Variants in TSC22D3 observed in about 807,000 individuals in gnomAD.
TSC22D3 encodes TSC22 domain family member 3.
TSC22D3 carries 4 observed loss-of-function variants against 11.1 expected under a neutral mutation model. The observed-to-expected ratio is 0.36, with a 90% CI of 0.18 to 0.83. The LOEUF (loss-of-function observed/expected upper bound fraction) is 0.83. TSC22D3 is among the 40% of genes least tolerant of loss of function. TSC22D3 has a pLI of 0.48. For missense variants in TSC22D3, 118 were observed against 159.4 expected, an observed-to-expected ratio of 0.74 and a Z score of 1.40; for synonymous variants, 77 against 70.3, an observed-to-expected ratio of 1.10 and a Z score of -0.48.
intron 1 of TSC22D3, among the ~76,000 whole-genome samples, chrX:107,747,706 A>G (rs1016846921): frequency 8.9e-6 from 1 of 112,938 alleles, no homozygotes; most frequent in Non-Finnish European, 1.9e-5. Flanking sequence ...CTGCTCTGCT[A>G]TTGAATTTCT....
At chrX:107,754,124 T>C (rs756840089) in intron 1 of TSC22D3, among the ~76,000 whole-genome samples, 19 of 110,862 alleles carry the variant, frequency 1.7e-4, no homozygotes, top group Non-Finnish European at 3.2e-4. Flanking sequence ...TTTCACTATG[T>C]TGGCCATGCT....
At chrX:107,741,296 C>T (rs753073147) in intron 1 of TSC22D3, among the ~76,000 whole-genome samples, 15 of 112,348 alleles carry the variant, frequency 1.3e-4, no homozygotes, top group African/African-American at 2.9e-4. Flanking sequence ...GGAGAAGGGG[C>T]GAAGCCACCG....
intron 1 of TSC22D3, among the ~76,000 whole-genome samples, chrX:107,731,889 C>A (rs1251740404): frequency 9.3e-6 from 1 of 106,977 alleles, no homozygotes; most frequent in African/African-American, 3.4e-5. Flanking sequence ...AGGGAGAGGG[C>A]TGTAGGAAGG....
intron 1 of TSC22D3, chrX:107,722,032 C>T: frequency 2.8e-6 from 1 of 355,857 alleles, no homozygotes; most frequent in South Asian, 8.1e-5. Flanking sequence ...CATGGAAAAT[C>T]CCCAAAGTCC....
chrX:107,716,545 T>TGGGCCCC, intron 1 of TSC22D3: 4 of 795,848 alleles, frequency 5.0e-6, no homozygotes, highest in African/African-American at 2.5e-5. Flanking sequence ...CCTTCCTGCG[T>TGGGCCCC]CCCCTCCCCC....
At chrX:107,748,601 C>G (rs910090277) in intron 1 of TSC22D3, among the ~76,000 whole-genome samples, 1 of 111,682 alleles carries the variant, frequency 9.0e-6, no homozygotes, top group African/African-American at 3.3e-5. Flanking sequence ...TTTTATAACC[C>G]TTGTTCCAAC....
In TSC22D3 at chrX:107,715,906, T is replaced by C. The variant is rs763857351; in HGVS notation, c.365A>G (p.Gln122Arg). 6.4e-5 allele frequency: 77 copies of C among 1,209,776 alleles called. No individual in the cohort carries two copies. Among genetic ancestry groups the C allele is most frequent in the Non-Finnish European group, 8.3e-5 (74 of 895,074 alleles). The change falls in exon 2 of 3, where the codon CAG (glutamine) becomes CGG (arginine). Residue 122 changes from glutamine (Q) to arginine (R), a missense_variant. By Grantham distance (43) the Gln-to-Arg change is conservative. Coordinates refer to ENST00000372383, the MANE Select transcript of TSC22D3 (RefSeq NM_198057.3). ...SVVAIDNKIE[Q>R]AMDLVKNHLM... ...CGCAGTGATGCCACTCACCATGGCC[T>C]GTTCGATCTTGTTGTCTATGGCCAC... is the stretch of plus-strand genomic sequence containing the variant.
intron 1 of TSC22D3, among the ~76,000 whole-genome samples, chrX:107,765,045 C>T (rs917476274): frequency 2.7e-5 from 3 of 111,625 alleles, no homozygotes; most frequent in Admixed American, 1.9e-4. Context: ...ATGGTGACTC[C>T]GGGTTCCAGC....
At chrX:107,733,133 C>T (rs1356511116) in intron 1 of TSC22D3, among the ~76,000 whole-genome samples, 1 of 110,577 alleles carries the variant, frequency 9.0e-6, no homozygotes, top group Non-Finnish European at 1.9e-5. Flanking sequence ...TCTGTGTAAC[C>T]CTGAGCAAAT....
chrX:107,740,366 G>A (rs1313099513), intron 1 of TSC22D3, among the ~76,000 whole-genome samples: 4 of 111,643 alleles, frequency 3.6e-5, no homozygotes, highest in African/African-American at 1.3e-4. Flanking sequence ...GGCGGATCAC[G>A]AGGTCAAGAG....
At chrX:107,768,154 C>A (rs1222198496) in intron 1 of TSC22D3, among the ~76,000 whole-genome samples, 1 of 112,151 alleles carries the variant, frequency 8.9e-6, no homozygotes, top group Non-Finnish European at 1.9e-5. Context: ...TCACGATGAG[C>A]AAACAGCGCA....
chrX:107,768,984 C>T (rs1290240589), intron 1 of TSC22D3, among the ~76,000 whole-genome samples: 1 of 112,657 alleles, frequency 8.9e-6, no homozygotes, highest in Non-Finnish European at 1.9e-5. Context: ...TCGTTGTAAT[C>T]ACTAGCACCA....
intron 1 of TSC22D3, among the ~76,000 whole-genome samples, chrX:107,751,468 C>T (rs775484140): frequency 2.7e-5 from 3 of 112,432 alleles, no homozygotes; most frequent in Non-Finnish European, 5.6e-5. Context: ...TTCGGAAGGA[C>T]TGTAACCCTT....
At chrX:107,733,492 C>G (rs774391264) in intron 1 of TSC22D3, among the ~76,000 whole-genome samples, 1 of 111,364 alleles carries the variant, frequency 9.0e-6, no homozygotes, top group Non-Finnish European at 1.9e-5. Context: ...AGGCTTGGCC[C>G]TTAGCTACAT....
At chrX:107,744,576 A>G (rs914102959) in intron 1 of TSC22D3, among the ~76,000 whole-genome samples, 2 of 112,358 alleles carry the variant, frequency 1.8e-5, no homozygotes, top group African/African-American at 6.5e-5. Context: ...CATGCTGTGA[A>G]ACCTATTCTA....
chrX:107,775,981 G>A (rs1199694179), upstream of TSC22D3: 2 of 112,527 alleles, frequency 1.8e-5, no homozygotes, highest in African/African-American at 6.5e-5. Flanking sequence ...TCAGCACTGG[G>A]ATATGACAGC....
chrX:107,746,296 AG>A lies in TSC22D3; in HGVS notation c.320+28803del, dbSNP rs374078556. Among the ~76,000 whole-genome samples, 740 of 111,756 alleles carry A rather than the reference AG, an allele frequency of 6.6e-3. 4 individuals are homozygous for A. Among genetic ancestry groups the A allele is most frequent in the African/African-American group, 0.023 (708 of 30,736 alleles). Reference sequence around the variant, plus strand: ...AAGAAGCAGAGGCAAAGAACTAAGGAGGTCTGGGAGTGCAGAAAAGGGAAGA... The same window carrying A: ...AAGAAGCAGAGGCAAAGAACTAAGGAGTCTGGGAGTGCAGAAAAGGGAAGA... On this transcript the variant is annotated intron_variant, in intron 1 of 2. Transcript: ENST00000372383.
intron 1 of TSC22D3, among the ~76,000 whole-genome samples, chrX:107,766,039 C>T (rs776713704): frequency 3.9e-4 from 44 of 112,204 alleles, no homozygotes; most frequent in Non-Finnish European, 6.9e-4. Context: ...CCCACCTACT[C>T]ACAGCCTGTG....
At chrX:107,750,665 C>T (rs760985078) in intron 1 of TSC22D3, among the ~76,000 whole-genome samples, 2 of 110,746 alleles carry the variant, frequency 1.8e-5, no homozygotes, top group African/African-American at 6.6e-5. Context: ...CCCATGCTCC[C>T]CACCCAAGCA....
Sources: gnomAD v4.1 joint callset for allele counts (sites outside exome capture counted in the v4.1 genomes callset) on GRCh38, gnomAD v4.1.1 for gene constraint, MANE v1.5 for transcripts, NCBI Gene and HGNC (gene_info 2026-07-23, HGNC 2026-07-21) for gene names.